The following GADL1 variants were observed in gnomAD, a reference collection of about 807,000 sequenced individuals.
GADL1 encodes the protein acidic amino acid decarboxylase GADL1.
Under a neutral mutation model 69.5 loss-of-function variants are expected in GADL1, and 71 were observed. The ratio of observed to expected loss-of-function variants is 1.02; its 90% CI spans 0.84 to 1.25. GADL1 has a LOEUF of 1.25. Ranked by LOEUF, GADL1 falls within the 50% of genes most tolerant of loss-of-function variation. GADL1 has a pLI of 0.00. For synonymous variants in GADL1, 254 were observed against 214.4 expected (o/e 1.18, Z -1.62); for missense variants, 737 against 631.8 (o/e 1.17, Z -1.79).
intron 3 of GADL1, 28 bp downstream of exon 3, chr3:30,856,987 G>A (rs1291943847): frequency 6.5e-7 from 1 of 1,534,542 alleles, no homozygotes; most frequent in African/African-American, 1.4e-5. Flanking sequence ...CAGAGGTACA[G>A]ATCAAGGAAG....
chr3:30,742,378 A>G (rs1695638899), intron 14 of GADL1, among the ~76,000 whole-genome samples: 2 of 151,004 alleles, frequency 1.3e-5, no homozygotes, highest in Admixed American at 1.3e-4. Flanking sequence ...TTTTTTTATT[A>G]TGGTGATAAA....
chr3:30,783,520 G>A (rs1327198185), intron 13 of GADL1, among the ~76,000 whole-genome samples: 1 of 152,072 alleles, frequency 6.6e-6, no homozygotes, highest in Non-Finnish European at 1.5e-5. Flanking sequence ...TTAGACAACA[G>A]TGACACATAC....
intron 14 of GADL1, among the ~76,000 whole-genome samples, chr3:30,736,655 C>T (rs17026470): frequency 3.9e-5 from 6 of 152,032 alleles, no homozygotes. Context: ...ATTTATGAGA[C>T]AGGCTGCAAG....
chr3:30,795,609 T>G (rs976290030), intron 12 of GADL1, among the ~76,000 whole-genome samples: 1 of 152,026 alleles, frequency 6.6e-6, no homozygotes, highest in East Asian at 1.9e-4. Context: ...AAATATTCTA[T>G]CTTTCCTAAA....
chr3:30,810,388 TAGAC>T (rs1354934161), intron 11 of GADL1, among the ~76,000 whole-genome samples: 7 of 152,124 alleles, frequency 4.6e-5, no homozygotes, highest in African/African-American at 9.7e-5. Context: ...ATGATATATA[TAGAC>T]AGACAGATAC....
intron 13 of GADL1, among the ~76,000 whole-genome samples, chr3:30,785,140 A>G (rs1451437257): frequency 6.6e-6 from 1 of 152,104 alleles, no homozygotes; most frequent in East Asian, 1.9e-4. Flanking sequence ...TACTATATCT[A>G]TAACCTGTCT....
intron 11 of GADL1, among the ~76,000 whole-genome samples, chr3:30,815,466 G>A (rs144855237): frequency 6.6e-6 from 1 of 152,240 alleles, no homozygotes; most frequent in Non-Finnish European, 1.5e-5. Context: ...TGTCCCGAAG[G>A]GAACAAGAGA....
chr3:30,740,712 C>A (rs1293806637), intron 14 of GADL1, among the ~76,000 whole-genome samples: 1 of 151,662 alleles, frequency 6.6e-6, no homozygotes, highest in Non-Finnish European at 1.5e-5. Flanking sequence ...TGAATGTCTT[C>A]TTTTTGTGAA....
At chr3:30,856,314 A>C (rs1698229500) in intron 3 of GADL1, among the ~76,000 whole-genome samples, 1 of 152,018 alleles carries the variant, frequency 6.6e-6, no homozygotes, top group African/African-American at 2.4e-5. Flanking sequence ...TTATTCTCCC[A>C]TTTTTGAAAC....
At chr3:30,867,793 G>A (rs1046986754) in intron 1 of GADL1, among the ~76,000 whole-genome samples, 2 of 151,904 alleles carry the variant, frequency 1.3e-5, no homozygotes, top group Non-Finnish European at 2.9e-5. Flanking sequence ...GGGTAATTGG[G>A]GGCCTCAAAG....
chr3:30,786,467 C>CACTTT, intron 12 of GADL1, 61 bp from the exon 13 acceptor site: 1 of 869,726 alleles, frequency 1.1e-6, no homozygotes, highest in Non-Finnish European at 1.9e-6. Flanking sequence ...ATGAACATGA[C>CACTTT]TGATATGACA....
intron 11 of GADL1, among the ~76,000 whole-genome samples, chr3:30,817,532 A>G (rs1697496856): frequency 6.6e-6 from 1 of 152,204 alleles, no homozygotes; most frequent in Non-Finnish European, 1.5e-5. Flanking sequence ...AATCTATTAC[A>G]GTGGCTAATC....
intron 2 of GADL1, among the ~76,000 whole-genome samples, chr3:30,858,773 A>T (rs890220398): frequency 6.6e-6 from 1 of 152,004 alleles, no homozygotes; most frequent in Non-Finnish European, 1.5e-5. Flanking sequence ...CACTATGATA[A>T]TGTAACAGTA....
intron 8 of GADL1, among the ~76,000 whole-genome samples, chr3:30,843,208 A>C (rs1429162184): frequency 6.6e-6 from 1 of 151,418 alleles, no homozygotes; most frequent in Non-Finnish European, 1.5e-5. Context: ...CAAATCTAGC[A>C]GGCTTTTGGT....
chr3:30,800,792 TACAG>T (rs1445799648), intron 12 of GADL1, 93 bp downstream of exon 12: 6 of 1,010,642 alleles, frequency 5.9e-6, no homozygotes, highest in African/African-American at 1.7e-5. Flanking sequence ...GTCTTCCTAT[TACAG>T]ACACAGATAG....
chr3:30,794,874 T>A (rs956925628), intron 12 of GADL1, among the ~76,000 whole-genome samples: 1 of 152,208 alleles, frequency 6.6e-6, no homozygotes, highest in African/African-American at 2.4e-5. Context: ...ACTTCAAAGT[T>A]AAGCTCCATT....
intron 1 of GADL1, among the ~76,000 whole-genome samples, chr3:30,872,092 C>T (rs960149947): frequency 1.3e-5 from 2 of 151,948 alleles, no homozygotes; most frequent in Non-Finnish European, 2.9e-5. Flanking sequence ...ACCACCTCCA[C>T]CCACCAAACC....
chr3:30,800,973 T>C lies in GADL1; in HGVS notation c.1166A>G (p.Asp389Gly). The C allele has an allele frequency of 6.2e-7, 1 of 1,613,856 alleles. No homozygotes were observed. Among genetic ancestry groups the C allele is most frequent in the Non-Finnish European group, 8.5e-7 (1 of 1,179,846 alleles). The change falls in exon 12 of 15, where the codon GAT becomes GGT. Residue 389 changes from aspartate to glycine, a missense_variant. Coordinates refer to ENST00000282538, the MANE Select transcript of GADL1 (RefSeq NM_207359.3). ...DKSIQCSRRP[D>G]AFKFWMTWKA... is the part of the protein sequence containing the mutation. The stretch of plus-strand genomic sequence containing the variant: ...CCAGGTCATCCAGAACTTGAATGCA[T>C]CTGGTCTTCTGCTACACTGGATAGA...
chr3:30,792,382 G>A (rs2125502550), intron 12 of GADL1, among the ~76,000 whole-genome samples: 1 of 152,232 alleles, frequency 6.6e-6, no homozygotes, highest in Middle Eastern at 3.4e-3. Context: ...AGACCAGCCT[G>A]GGCAACATGG....
Sources: gnomAD v4.1 joint callset for allele counts (sites outside exome capture counted in the v4.1 genomes callset) on GRCh38, gnomAD v4.1.1 for gene constraint, MANE v1.5 for transcripts, NCBI Gene and HGNC (gene_info 2026-07-23, HGNC 2026-07-21) for gene names.